Variants in OSBPL8 observed in about 807,000 individuals in gnomAD.
OSBPL8 encodes oxysterol binding protein like 8.
In OSBPL8, 59 loss-of-function variants were observed where a neutral mutation model predicts 125.5. That is an observed-to-expected ratio of 0.47 (90% CI 0.38 to 0.58). The LOEUF is 0.58. OSBPL8 is among the 20% of genes least tolerant of loss of function. The pLI, the probability that OSBPL8 is intolerant of heterozygous loss-of-function variation, is 0.00. For synonymous variants in OSBPL8, 330 were observed against 338.9 expected, an observed-to-expected ratio of 0.97 and a Z score of 0.29; for missense variants, 758 against 1,047.8, an observed-to-expected ratio of 0.72 and a Z score of 3.82.
At chr12:76,365,351 G>A (rs1410662286) in intron 21 of OSBPL8, among the ~76,000 whole-genome samples, 12 of 152,118 alleles carry the variant, frequency 7.9e-5, no homozygotes, top group Non-Finnish European at 1.5e-5. Flanking sequence ...CACTGTAGAA[G>A]TCTTCCAGCT....
In OSBPL8 at chr12:76,402,718, T is replaced by G; in HGVS notation, c.337A>C (p.Ser113Arg). Residue 113 changes from serine to arginine, a missense_variant, in exon 6 of 24, where the codon AGC (serine) becomes CGC (arginine). This residue lies in a region of OSBPL8 where 117 missense variants were observed against 137.1 expected (regional missense o/e 0.85). Transcript: ENST00000261183. ...NGSEKDSSTS[S>R]KLTKKESLKV... ...AGAGATTCTTTTTTTGTGAGTTTGC[T>G]TGAAGTTGAACTGTCCTTCTCTGAG... 6.2e-7 allele frequency: 1 copy of G among 1,608,572 alleles called. No homozygotes were observed. The highest frequency in any genetic ancestry group is 1.1e-5 in the South Asian group (1 of 90,878).
chr12:76,542,940 T>A (rs1950686491), intron 1 of OSBPL8, among the ~76,000 whole-genome samples: 1 of 152,214 alleles, frequency 6.6e-6, no homozygotes, highest in South Asian at 2.1e-4. Flanking sequence ...TTCCAAAATC[T>A]TTAAACAAGA....
Position 76,375,273 on chromosome 12 carries a change from CTTTAG to C in OSBPL8, c.1822_1826del (p.Leu608AlafsTer6). The stretch of plus-strand genomic sequence containing the variant: ...GATACCTACTGTATTGTCTACTAAC[CTTTAG>C]TTTAAATTCAAGTATTGCACTGTAT... On this transcript the variant is annotated frameshift_variant and splice_region_variant, in exon 17 of 24. Coordinates refer to ENST00000261183, the MANE Select transcript of OSBPL8 (RefSeq NM_020841.5). LOFTEE classifies it high-confidence loss of function. 1 of 1,593,790 alleles carries C rather than the reference CTTTAG, an allele frequency of 6.3e-7. No homozygotes were observed. The highest frequency in any genetic ancestry group is 8.6e-7 in the Non-Finnish European group (1 of 1,163,124).
chr12:76,477,317 T>C (rs1876927134), intron 2 of OSBPL8, among the ~76,000 whole-genome samples: 1 of 152,126 alleles, frequency 6.6e-6, no homozygotes, highest in Non-Finnish European at 1.5e-5. Context: ...TAATGGGAAA[T>C]TTACTAACCA....
At chr12:76,409,993 C>T (rs1196960441) in intron 5 of OSBPL8, among the ~76,000 whole-genome samples, 1 of 152,044 alleles carries the variant, frequency 6.6e-6, no homozygotes, top group African/African-American at 2.4e-5. Context: ...ACTAAAAACC[C>T]ATAGGGAAAC....
chr12:76,411,695 A>C (rs938333603), intron 4 of OSBPL8, among the ~76,000 whole-genome samples: 7 of 152,046 alleles, frequency 4.6e-5, no homozygotes, highest in African/African-American at 1.4e-4. Flanking sequence ...ACTCAATCTC[A>C]ATACTAAAAA....
intron 1 of OSBPL8, among the ~76,000 whole-genome samples, chr12:76,497,227 A>G (rs1879369327): frequency 6.6e-6 from 1 of 151,590 alleles, no homozygotes; most frequent in Admixed American, 6.6e-5. Context: ...GCCACACAGC[A>G]AACAGATTTT....
intron 1 of OSBPL8, among the ~76,000 whole-genome samples, chr12:76,548,782 A>C (rs1458271585): frequency 6.6e-6 from 1 of 152,204 alleles, no homozygotes; most frequent in Non-Finnish European, 1.5e-5. Flanking sequence ...AAAACAGTCC[A>C]AGGAACAGGG....
intron 4 of OSBPL8, among the ~76,000 whole-genome samples, chr12:76,437,337 G>C (rs1371543881): frequency 6.6e-6 from 1 of 152,034 alleles, no homozygotes; most frequent in Non-Finnish European, 1.5e-5. Flanking sequence ...TGATGTGGTG[G>C]GTGGGTATGA....
chr12:76,519,158 A>T (rs1184426086), intron 1 of OSBPL8, among the ~76,000 whole-genome samples: 1 of 152,220 alleles, frequency 6.6e-6, no homozygotes, highest in Non-Finnish European at 1.5e-5. Flanking sequence ...GGCTGCCAGA[A>T]GCAGCCAAGC....
intron 1 of OSBPL8, among the ~76,000 whole-genome samples, chr12:76,530,408 T>C (rs1592861606): frequency 6.6e-6 from 1 of 152,022 alleles, no homozygotes; most frequent in African/African-American, 2.4e-5. Context: ...CTCTTCCTTA[T>C]GGTTCACTCT....
intron 1 of OSBPL8, among the ~76,000 whole-genome samples, chr12:76,492,879 C>T (rs1878869303): frequency 6.6e-6 from 1 of 151,886 alleles, no homozygotes; most frequent in Non-Finnish European, 1.5e-5. Context: ...ACCTGTCTGC[C>T]ACAAAACCAG....
At chr12:76,435,155 C>CGTGTGTGTGTGTGTGT (rs71082308) in intron 4 of OSBPL8, among the ~76,000 whole-genome samples, 15 of 146,552 alleles carry the variant, frequency 1.0e-4, no homozygotes, top group Admixed American at 3.4e-4. Context: ...TATATATCTA[C>CGTGTGTGTGTGTGTGT]GTGTGTGTGT....
chr12:76,555,888 AAG>A (rs1951079842), intron 1 of OSBPL8, among the ~76,000 whole-genome samples: 1 of 152,178 alleles, frequency 6.6e-6, no homozygotes, highest in South Asian at 2.1e-4. Flanking sequence ...GTTACAAAAA[AAG>A]ACTTACTGTG....
At position 76,450,834 on chromosome 12, in the gene OSBPL8, A is replaced by C. The variant is rs767774380; in HGVS notation, c.217+17T>G. ...AAAACAAAAACAAGACAAAACATGAAAACCACAACTTCCTACCCTGGCTAT... is the reference window on the plus strand; with the variant it reads ...AAAACAAAAACAAGACAAAACATGACAACCACAACTTCCTACCCTGGCTAT... On this transcript the variant is annotated intron_variant, in intron 4 of 23. Transcript: ENST00000261183. 6.3e-7 allele frequency: 1 copy of C among 1,588,622 alleles called. No homozygotes were observed. The highest frequency in any genetic ancestry group is 1.8e-5 in the Admixed American group (1 of 54,946).
intron 1 of OSBPL8, among the ~76,000 whole-genome samples, chr12:76,536,553 G>T (rs561367069): frequency 2.0e-4 from 30 of 152,162 alleles, no homozygotes; most frequent in African/African-American, 7.0e-4. Context: ...AGTTGAATTT[G>T]TATCTACCCA....
intron 2 of OSBPL8, among the ~76,000 whole-genome samples, chr12:76,483,418 G>C (rs542637264): frequency 6.6e-6 from 1 of 151,454 alleles, no homozygotes; most frequent in Non-Finnish European, 1.5e-5. Flanking sequence ...AAAAAAATTA[G>C]CCTGGTGTGG....
chr12:76,470,611 T>C (rs1481143206), intron 2 of OSBPL8, among the ~76,000 whole-genome samples: 1 of 152,212 alleles, frequency 6.6e-6, no homozygotes, highest in Non-Finnish European at 1.5e-5. Flanking sequence ...AGATCTAAAT[T>C]AAGACATAAG....
chr12:76,388,734 C>T (rs1180731468), intron 12 of OSBPL8, among the ~76,000 whole-genome samples: 6 of 152,072 alleles, frequency 3.9e-5, no homozygotes, highest in African/African-American at 1.4e-4. Flanking sequence ...CTGTAAGTTT[C>T]CTTTTCTATA....
Sources: gnomAD v4.1 joint callset for allele counts (sites outside exome capture counted in the v4.1 genomes callset) on GRCh38, gnomAD v4.1.1 for gene constraint, gnomAD v4.1.1 regional missense constraint, MANE v1.5 for transcripts, NCBI Gene and HGNC (gene_info 2026-07-23, HGNC 2026-07-21) for gene names.